Variants in C16orf89 observed in about 807,000 individuals in gnomAD.
The protein encoded by C16orf89 is chromosome 16 open reading frame 89, also known as UPF0764 protein C16orf89.
In C16orf89, 57 loss-of-function variants were observed where a neutral mutation model predicts 41.5. That is an observed-to-expected ratio of 1.38 (90% CI 1.11 to 1.71). The LOEUF (loss-of-function observed/expected upper bound fraction) is 1.71, where lower values mean the gene tolerates loss of function less well. C16orf89 is among the 40% of genes most tolerant of loss of function. C16orf89 has a pLI of 0.00. For synonymous variants in C16orf89, 223 were observed against 190.6 expected, an observed-to-expected ratio of 1.17 and a Z score of -1.40; for missense variants, 575 against 445.9, an observed-to-expected ratio of 1.29 and a Z score of -2.61.
At chr16:5,057,824 C>T (rs1044100548) in intron 4 of C16orf89, among the ~76,000 whole-genome samples, 3 of 151,926 alleles carry the variant, frequency 2.0e-5, no homozygotes, top group Non-Finnish European at 4.4e-5. Flanking sequence ...CCACCGTGCC[C>T]GGCCTCATTC....
At chr16:5,058,067 G>T (rs925699678) in intron 4 of C16orf89, among the ~76,000 whole-genome samples, 1 of 151,998 alleles carries the variant, frequency 6.6e-6, no homozygotes, top group Non-Finnish European at 1.5e-5. Flanking sequence ...CCAAAGCTCT[G>T]CTTATTTTCC....
intron 1 of C16orf89, among the ~76,000 whole-genome samples, chr16:5,062,781 T>A (rs1480144913): frequency 2.0e-5 from 3 of 151,804 alleles, no homozygotes; most frequent in Non-Finnish European, 4.4e-5. Flanking sequence ...GGTGTCAGAG[T>A]AGTAGAAGGT....
chr16:5,061,723 G>A (rs995201378), intron 2 of C16orf89, among the ~76,000 whole-genome samples: 9 of 152,132 alleles, frequency 5.9e-5, no homozygotes, highest in South Asian at 2.1e-4. Context: ...TGGTCCCTGC[G>A]GCTGGACTGC....
intron 4 of C16orf89, 34 bp from the exon 5 acceptor site, chr16:5,056,222 A>C: frequency 6.4e-7 from 1 of 1,565,632 alleles, no homozygotes; most frequent in Non-Finnish European, 8.8e-7. Context: ...CAAGGGAGTC[A>C]GTGGTACAGA....
Position 5,055,301 on chromosome 16 carries a change from C to G in C16orf89, c.813G>C (p.Trp271Cys). Residue 271 changes from tryptophan (W) to cysteine (C), a missense_variant, in exon 6 of 8, where the codon TGG becomes TGC. Physicochemically the swap from Trp to Cys is radical, Grantham distance 215. Coordinates refer to ENST00000472572, the MANE Select transcript of C16orf89 (RefSeq NM_001098514.3). ...TCTGCCAGCTGAGAATGGCCTCCAG[C>G]CACCGGAGCTTGTAGAAGTCGGAGA... ...GGFSDFYKLR[W>C]LEAILSWQKQ... The G allele has an allele frequency of 1.2e-6, 2 of 1,613,618 alleles. No homozygotes were observed. Among genetic ancestry groups the G allele is most frequent in the African/African-American group, 1.3e-5 (1 of 75,002 alleles).
chr16:5,058,421 C>T, intron 4 of C16orf89, 72 bp downstream of exon 4: 1 of 1,360,120 alleles, frequency 7.4e-7, no homozygotes, highest in Non-Finnish European at 1.0e-6. Flanking sequence ...GCATGAGCCA[C>T]CACGTCCGGC....
At chr16:5,062,601 C>G (rs745464042) in intron 1 of C16orf89, 27 bp from the exon 2 acceptor site, 5 of 1,547,068 alleles carry the variant, frequency 3.2e-6, no homozygotes, top group South Asian at 1.2e-5. Context: ...TTAATTCATT[C>G]AACTATTTGG....
intron 1 of C16orf89, among the ~76,000 whole-genome samples, chr16:5,064,482 C>T (rs1396487916): frequency 6.6e-6 from 1 of 152,254 alleles, no homozygotes; most frequent in African/African-American, 2.4e-5. Flanking sequence ...GTGATACTCC[C>T]ATCCACCAGC....
At chr16:5,046,046 C>T (rs754508801) in intron 7 of C16orf89, among the ~76,000 whole-genome samples, 5 of 152,168 alleles carry the variant, frequency 3.3e-5, no homozygotes, top group Non-Finnish European at 5.9e-5. Context: ...ATAGGCAGCC[C>T]CAGCCCCTCT....
In C16orf89 at chr16:5,062,565, T is replaced by C. The variant is rs767179326; in HGVS notation, c.218A>G (p.Lys73Arg). The change falls in exon 2 of 8, where the codon AAA (lysine) becomes AGA (arginine). Residue 73 changes from lysine (K) to arginine (R), a missense_variant. Lys to Arg is a conservative substitution (Grantham distance 26). Coordinates refer to ENST00000472572, the MANE Select transcript of C16orf89 (RefSeq NM_001098514.3). ...VGVRVLEEQL[K>R]SVREKWAQEP... The stretch of plus-strand genomic sequence containing the variant: ...CTGGGCCCACTTCTCCCGGACACTT[T>C]TTAGCTGCTCTGGAAGGGAACAGAG... The C allele has an allele frequency of 5.0e-6, 8 of 1,610,138 alleles. No individual in the cohort carries two copies. The highest frequency in any genetic ancestry group is 1.3e-5 in the African/African-American group (1 of 74,746).
chr16:5,056,236 C>G, intron 4 of C16orf89, 48 bp from the exon 5 acceptor site: 3 of 1,526,034 alleles, frequency 2.0e-6, no homozygotes, highest in Non-Finnish European at 1.8e-6. Context: ...GTACAGATGA[C>G]AGACACACGC....
intron 6 of C16orf89, among the ~76,000 whole-genome samples, chr16:5,050,952 CAT>C (rs1956384467): frequency 6.6e-6 from 1 of 152,096 alleles, no homozygotes; most frequent in Non-Finnish European, 1.5e-5. Context: ...AGACAAAAAT[CAT>C]ATAATCATCT....
chr16:5,047,747 A>T, intron 7 of C16orf89, 131 bp downstream of exon 7: 1 of 671,064 alleles, frequency 1.5e-6, no homozygotes, highest in Non-Finnish European at 2.7e-6. Flanking sequence ...CTCAACATGA[A>T]GGCCCTCTGA....
intron 3 of C16orf89, 60 bp from the exon 4 acceptor site, chr16:5,058,670 C>T (rs1956559017): frequency 7.2e-7 from 1 of 1,383,752 alleles, no homozygotes; most frequent in Non-Finnish European, 1.0e-6. Flanking sequence ...CTGCGTCTTC[C>T]CAGCCCCCTA....
intron 1 of C16orf89, among the ~76,000 whole-genome samples, chr16:5,064,895 G>A (rs941567606): frequency 6.6e-6 from 1 of 152,176 alleles, no homozygotes; most frequent in Admixed American, 6.5e-5. Flanking sequence ...AATAATAATG[G>A]GTGTAACCTC....
intron 6 of C16orf89, among the ~76,000 whole-genome samples, chr16:5,054,712 C>A (rs1314020182): frequency 1.3e-5 from 2 of 152,132 alleles, no homozygotes; most frequent in African/African-American, 4.8e-5. Flanking sequence ...TGGGAGGGAC[C>A]TGGTGGGAGG....
chr16:5,065,386 T>C (rs1956717266), intron 1 of C16orf89, among the ~76,000 whole-genome samples: 1 of 152,180 alleles, frequency 6.6e-6, no homozygotes, highest in African/African-American at 2.4e-5. Flanking sequence ...AACGGGGCAC[T>C]CTCCCTGCTC....
rs145467087 is a variant in C16orf89, at chr16:5,057,901, T to C, written c.627+592A>G. ...TATTCTCTCTTTCTCTCTCTCGTTG[T>C]GTTTTTCTGATGCCCTACAGTCCAG... On this transcript the variant is annotated intron_variant, in intron 4 of 7. Transcript: ENST00000472572. Among the ~76,000 whole-genome samples, 1,023 of 152,178 alleles carry C rather than the reference T, an allele frequency of 6.7e-3. 5 individuals are homozygous for C. Among genetic ancestry groups the C allele is most frequent in the Non-Finnish European group, 8.3e-3 (562 of 68,030 alleles).
At chr16:5,046,891 AT>A (rs1461349005) in intron 7 of C16orf89, among the ~76,000 whole-genome samples, 1 of 152,196 alleles carries the variant, frequency 6.6e-6, no homozygotes, top group Non-Finnish European at 1.5e-5. Context: ...AGAGGGCACT[AT>A]TCATAATGGC....
Sources: allele counts gnomAD v4.1 joint callset (sites outside exome capture counted in the v4.1 genomes callset), GRCh38; gene constraint gnomAD v4.1.1; transcripts MANE v1.5; gene names NCBI Gene and HGNC (gene_info 2026-07-23, HGNC 2026-07-21).